CDH23: variants seen among roughly 807,000 people sequenced by gnomAD.
CDH23 encodes the protein cadherin related 23.
Under a neutral mutation model 317.1 loss-of-function variants are expected in CDH23, and 189 were observed. The observed-to-expected ratio is 0.60, with a 90% CI of 0.53 to 0.67. CDH23 has a LOEUF of 0.67. CDH23 is among the 30% of genes least tolerant of loss of function. The pLI is 0.00. For synonymous variants in CDH23, 1,839 were observed against 1,876.8 expected (o/e 0.98, Z 0.52); for missense variants, 4,401 against 4,592.4 (o/e 0.96, Z 1.20).
At chr10:71,578,046 G>C in intron 9 of CDH23, 54 bp downstream of exon 9, 2 of 1,516,170 alleles carry the variant, frequency 1.3e-6, no homozygotes, top group East Asian at 4.8e-5. Context: ...TCCACCCAAG[G>C]AGAGCCAGTA....
At chr10:71,603,274 C>T (rs1860336426) in intron 9 of CDH23, among the ~76,000 whole-genome samples, 1 of 152,198 alleles carries the variant, frequency 6.6e-6, no homozygotes, top group African/African-American at 2.4e-5. Context: ...AAGTGTCTCT[C>T]CCACTCCTTC....
chr10:71,752,131 G>A (rs1360541077), intron 38 of CDH23: 4 of 611,694 alleles, frequency 6.5e-6, no homozygotes, highest in Non-Finnish European at 1.2e-5. Context: ...CCCGGGCACA[G>A]CCAGGAAGCC....
chr10:71,697,195 G>T (rs1865423087), intron 22 of CDH23, among the ~76,000 whole-genome samples: 1 of 152,204 alleles, frequency 6.6e-6, no homozygotes, highest in South Asian at 2.1e-4. Context: ...TGCAAGCTTT[G>T]GTCCCCCCGC....
intron 18 of CDH23, among the ~76,000 whole-genome samples, chr10:71,682,779 G>A (rs978174336): frequency 1.3e-5 from 2 of 152,166 alleles, no homozygotes; most frequent in Non-Finnish European, 2.9e-5. Flanking sequence ...CTTGGCCAGG[G>A]AAGGCCCAGG....
chr10:71,488,297 G>A (rs1166200818), intron 3 of CDH23, among the ~76,000 whole-genome samples: 1 of 152,220 alleles, frequency 6.6e-6, no homozygotes, highest in South Asian at 2.1e-4. Flanking sequence ...CTTTGGCCTG[G>A]CACCTTCTCC....
intron 14 of CDH23, among the ~76,000 whole-genome samples, chr10:71,654,888 C>T (rs1284991687): frequency 6.6e-6 from 1 of 152,180 alleles, no homozygotes; most frequent in East Asian, 1.9e-4. Flanking sequence ...ATCATTTCTG[C>T]TGAATTCTGT....
At chr10:71,546,571 A>G (rs1020492447) in intron 6 of CDH23, among the ~76,000 whole-genome samples, 5 of 152,232 alleles carry the variant, frequency 3.3e-5, no homozygotes, top group African/African-American at 1.2e-4. Context: ...GGACTGAAAC[A>G]TGCATAGGAG....
intron 3 of CDH23, chr10:71,508,428 A>C (rs1255725626): frequency 1.3e-5 from 2 of 152,100 alleles, no homozygotes; most frequent in Non-Finnish European, 2.9e-5. Flanking sequence ...CATGGTAATC[A>C]CCTCATCACT....
chr10:71,544,838 G>A lies in CDH23; in HGVS notation c.430-21904G>A, dbSNP rs552478762. 2.5e-3 allele frequency among the ~76,000 whole-genome samples: 381 copies of A among 152,290 alleles called. 1 individual carries two copies. The highest frequency in any genetic ancestry group is 8.4e-3 in the African/African-American group (350 of 41,564). The stretch of plus-strand genomic sequence containing the variant: ...CGGATCATTTTCAGTTGACTTCTCC[G>A]CCAGTCAGGAGCCCATCGAATGATG... On this transcript the variant is annotated intron_variant, in intron 6 of 69. Transcript: ENST00000224721.
intron 25 of CDH23, 80 bp downstream of exon 25, chr10:71,705,210 C>CAG: frequency 7.6e-7 from 1 of 1,313,712 alleles, no homozygotes; most frequent in Non-Finnish European, 1.0e-6. Flanking sequence ...AGAGGGGAGC[C>CAG]CATGTCCCCC....
chr10:71,689,137 C>CCAGGGGTGGTGGAGT (rs1564734106), intron 19 of CDH23, among the ~76,000 whole-genome samples: 6 of 11,678 alleles, frequency 5.1e-4, no homozygotes, highest in Non-Finnish European at 8.4e-4. Context: ...GGTGGTGGAG[C>CCAGGGGTGGTGGAGT]CAGGGGTGGT....
chr10:71,617,268 C>T lies in CDH23; in HGVS notation c.1009C>T (p.Leu337=). 5 of 1,614,012 alleles carry T rather than the reference C, an allele frequency of 3.1e-6. No individual in the cohort carries two copies. The highest frequency in any genetic ancestry group is 3.4e-6 in the Non-Finnish European group (4 of 1,179,902). The part of the protein sequence containing the change: ...DATVTTTFNI[L]VIDINDNAPE... ...TACAGTCACCACGACCTTCAATATC[C>T]TGGTTATTGACATCAATGACAATGC... The change falls in exon 11 of 70, where the codon CTG becomes TTG. Residue 337 remains leucine (L), a synonymous_variant. Transcript: ENST00000224721.
rs181684564 is a variant in CDH23, at chr10:71,427,905, G to T, written c.-5-11922G>T. On this transcript the variant is annotated intron_variant, in intron 1 of 69. Transcript: ENST00000224721. ...TTTTTGTATTTTTAGTAGAGACGGGGTTTCACCATGTTGGCCAGGCTGGTC... is the reference window on the plus strand; with the variant it reads ...TTTTTGTATTTTTAGTAGAGACGGGTTTTCACCATGTTGGCCAGGCTGGTC... 0.011 allele frequency among the ~76,000 whole-genome samples: 1,688 copies of T among 151,816 alleles called. 71 individuals are homozygous for T. The East Asian group carries it at 0.11, about 10-fold the overall frequency.
intron 20 of CDH23, 89 bp downstream of exon 20, chr10:71,690,673 G>A (rs2132706344): frequency 2.3e-6 from 2 of 855,330 alleles, no homozygotes; most frequent in South Asian, 2.9e-5. Context: ...CTGGGCCCAG[G>A]TCCCCTTCCT....
chr10:71,431,844 G>A (rs1358434444), intron 1 of CDH23, among the ~76,000 whole-genome samples: 8 of 152,314 alleles, frequency 5.3e-5, no homozygotes, highest in East Asian at 3.9e-4. Context: ...CCTCCTGACC[G>A]GGCTGCAGGG....
chr10:71,738,099 C>T (rs1235935848), intron 34 of CDH23, among the ~76,000 whole-genome samples: 1 of 152,206 alleles, frequency 6.6e-6, no homozygotes, highest in African/African-American at 2.4e-5. Flanking sequence ...CAGCCAATTT[C>T]ACTTTAAAAT....
chr10:71,580,909 C>A (rs1030590393), intron 9 of CDH23, among the ~76,000 whole-genome samples: 2 of 152,086 alleles, frequency 1.3e-5, no homozygotes, highest in Admixed American at 6.5e-5. Flanking sequence ...TGAGAGCCAT[C>A]CTCAGCATGA....
In CDH23 at chr10:71,682,531, C is replaced by A. The variant is rs745970957; in HGVS notation, c.1945C>A (p.Pro649Thr). The change falls in exon 18 of 70, where the codon CCC becomes ACC. Residue 649 changes from proline (P) to threonine (T), a missense_variant. Pro to Thr is a conservative substitution (Grantham distance 38). Around this residue, in one of 3 missense-constraint regions of CDH23, gnomAD observed 3,068 missense variants for 3,203.3 expected, o/e 0.96. Coordinates refer to ENST00000224721, the MANE Select transcript of CDH23 (RefSeq NM_022124.6). ...GGTCATGGCCATGGATGCTGGCAAC[C>A]CCCCTCTCAACAGCACCGTCCCTGT... Reference protein sequence around the residue: ...LTVMAMDAGNPPLNSTVPVTI... With the variant: ...LTVMAMDAGNTPLNSTVPVTI... 2 of 1,613,720 alleles carry A rather than the reference C, an allele frequency of 1.2e-6. No homozygotes were observed. Among genetic ancestry groups the A allele is most frequent in the Non-Finnish European group, 8.5e-7 (1 of 1,179,798 alleles).
Position 71,732,239 on chromosome 10 carries a change from T to C in CDH23, c.3968T>C (p.Leu1323Pro), listed in dbSNP as rs1287199565. Residue 1323 changes from leucine (L) to proline (P), a missense_variant, in exon 32 of 70, where the codon CTG (leucine) becomes CCG (proline). By Grantham distance (98) the Leu-to-Pro change is moderately conservative (BLOSUM62 -3). Around this residue, in one of 3 missense-constraint regions of CDH23, gnomAD observed 3,068 missense variants for 3,203.3 expected, o/e 0.96. Coordinates refer to ENST00000224721, the MANE Select transcript of CDH23 (RefSeq NM_022124.6). Reference sequence around the variant, plus strand: ...AATGCCTCATACGAGGCTGCCATCCTGGAGAATCTGGCACTGGGTACTGAG... The same window carrying C: ...AATGCCTCATACGAGGCTGCCATCCCGGAGAATCTGGCACTGGGTACTGAG... The part of the protein sequence containing the change: ...FSNASYEAAI[L>P]ENLALGTEIV... 5 of 1,613,662 alleles carry C rather than the reference T, an allele frequency of 3.1e-6. No individual in the cohort carries two copies. Among genetic ancestry groups the C allele is most frequent in the Non-Finnish European group, 3.4e-6 (4 of 1,179,780 alleles).
Sources: gnomAD v4.1 joint callset for allele counts (sites outside exome capture counted in the v4.1 genomes callset) on GRCh38, gnomAD v4.1.1 for gene constraint, gnomAD v4.1.1 regional missense constraint, MANE v1.5 for transcripts, NCBI Gene and HGNC (gene_info 2026-07-23, HGNC 2026-07-21) for gene names.